KHDC1: variants seen among roughly 807,000 people sequenced by gnomAD.
KHDC1 encodes KH homology domain-containing protein 1.
Under a neutral mutation model 24.7 loss-of-function variants are expected in KHDC1, and 21 were observed. That is an observed-to-expected ratio of 0.85 (90% CI 0.60 to 1.23). The LOEUF (loss-of-function observed/expected upper bound fraction) is 1.23, where lower values mean the gene tolerates loss of function less well. Among genes scored for constraint, KHDC1 ranks in the 50% most tolerant of loss-of-function variants. The pLI, the probability that KHDC1 is intolerant of heterozygous loss-of-function variation, is 0.00. For synonymous variants in KHDC1, 98 were observed against 111.7 expected, an observed-to-expected ratio of 0.88 and a Z score of 0.77; for missense variants, 274 against 298.5, an observed-to-expected ratio of 0.92 and a Z score of 0.61.
chr6:73,241,918 T>C (rs1222733431), intron 4 of KHDC1, 137 bp downstream of exon 3: 1 of 1,120,450 alleles, frequency 8.9e-7, no homozygotes, highest in African/African-American at 1.6e-5. Context: ...GATGAGCACT[T>C]TTCTTCCCAA....
At chr6:73,292,368 A>G in intron 1 of KHDC1, 1 of 801,326 alleles carries the variant, frequency 1.2e-6, no homozygotes, top group Non-Finnish European at 2.3e-6. Flanking sequence ...ACATATGCAA[A>G]ATTCCAGTAT....
intron 2 of KHDC1, among the ~76,000 whole-genome samples, chr6:73,263,745 G>T (rs1562249956): frequency 6.6e-6 from 1 of 152,184 alleles, no homozygotes; most frequent in Admixed American, 6.5e-5. Flanking sequence ...GGAGGGAAAT[G>T]AATGTTTTTG....
intron 1 of KHDC1, among the ~76,000 whole-genome samples, chr6:73,303,507 A>T (rs1582591588): frequency 6.6e-6 from 1 of 152,360 alleles, no homozygotes; most frequent in South Asian, 2.1e-4. Flanking sequence ...AAGAACCACA[A>T]GTTTTCAGTA....
chr6:73,264,040 A>C (rs1364236168), intron 2 of KHDC1, among the ~76,000 whole-genome samples: 1 of 152,140 alleles, frequency 6.6e-6, no homozygotes, highest in African/African-American at 2.4e-5. Context: ...CTCTACAAAA[A>C]ATTTAAAAAT....
At chr6:73,251,891 G>A (rs1356973744) in intron 2 of KHDC1, among the ~76,000 whole-genome samples, 1 of 150,120 alleles carries the variant, frequency 6.7e-6, no homozygotes, top group African/African-American at 2.5e-5. Flanking sequence ...TCAGCCTCCC[G>A]GGCTCATTCG....
chr6:73,267,765 C>G (rs1582565055), intron 2 of KHDC1, among the ~76,000 whole-genome samples: 1 of 152,158 alleles, frequency 6.6e-6, no homozygotes, highest in Non-Finnish European at 1.5e-5. Context: ...AAATGTGGAA[C>G]CAACCCAAGA....
At chr6:73,297,047 C>T (rs66984567) in intron 1 of KHDC1, among the ~76,000 whole-genome samples, 35,634 of 151,872 alleles carry the variant, frequency 0.23, 4,890 homozygotes, top group African/African-American at 0.37. Flanking sequence ...ATTACAGGCA[C>T]GTGCCACCAT....
At chr6:73,244,649 C>T (rs1010762298) in intron 2 of KHDC1, among the ~76,000 whole-genome samples, 2 of 108,264 alleles carry the variant, frequency 1.8e-5, no homozygotes, top group East Asian at 6.0e-4. Flanking sequence ...TGCCTGTAAT[C>T]CCAGCACTTT....
At chr6:73,283,019 T>C (rs1415788944) in intron 2 of KHDC1, among the ~76,000 whole-genome samples, 1 of 152,240 alleles carries the variant, frequency 6.6e-6, no homozygotes, top group Non-Finnish European at 1.5e-5. Flanking sequence ...CACTGGGCAG[T>C]TACATACCGG....
At chr6:73,289,684 A>G (rs1767601876) in intron 2 of KHDC1, among the ~76,000 whole-genome samples, 3 of 151,710 alleles carry the variant, frequency 2.0e-5, no homozygotes. Flanking sequence ...AAAAACGGCC[A>G]GGCACTGTGA....
At position 73,242,148 on chromosome 6, in the gene KHDC1, G is replaced by C. The variant is rs773192554; in HGVS notation, c.421C>G (p.Arg141Gly). 7.4e-6 allele frequency: 12 copies of C among 1,614,024 alleles called. No individual in the cohort carries two copies. The South Asian group carries it at 1.2e-4, about 16-fold the overall frequency. ...CTGTGTGGTCCGACTACAGTCACAC[G>C]AGTCTGGCCTGTAGCTGTGAACCAA... is the stretch of plus-strand genomic sequence containing the variant. The change falls in exon 4 of 5, where the codon CGT becomes GGT. Residue 141 changes from arginine (R) to glycine (G), a missense_variant. By Grantham distance (125) the Arg-to-Gly change is moderately radical. Coordinates refer to ENST00000370384, the Ensembl canonical transcript of KHDC1.
chr6:73,248,743 A>G (rs1480826164), intron 2 of KHDC1, among the ~76,000 whole-genome samples: 1 of 152,054 alleles, frequency 6.6e-6, no homozygotes, highest in Non-Finnish European at 1.5e-5. Context: ...CAACAATCCA[A>G]TCCACTTTCA....
At chr6:73,267,412 G>A (rs1398180596) in intron 2 of KHDC1, among the ~76,000 whole-genome samples, 1 of 152,214 alleles carries the variant, frequency 6.6e-6, no homozygotes, top group Non-Finnish European at 1.5e-5. Flanking sequence ...GAACCTGGGA[G>A]ATAGAGGTTG....
At chr6:73,282,216 T>TAA (rs34726760) in intron 2 of KHDC1, among the ~76,000 whole-genome samples, 11 of 96,772 alleles carry the variant, frequency 1.1e-4, no homozygotes, top group Non-Finnish European at 1.4e-4. Flanking sequence ...AGACTCTGTC[T>TAA]AAAAAAAAAA....
chr6:73,292,509 A>G (rs1347398928), intron 1 of KHDC1: 11 of 769,744 alleles, frequency 1.4e-5, no homozygotes, highest in Non-Finnish European at 2.4e-5. Flanking sequence ...CAGAATTGGG[A>G]TGCAGACATG....
intron 2 of KHDC1, among the ~76,000 whole-genome samples, chr6:73,281,792 CCAAA>C (rs1201370847): frequency 2.0e-5 from 3 of 152,152 alleles, no homozygotes; most frequent in African/African-American, 7.2e-5. Flanking sequence ...CCCCAGGAGC[CCAAA>C]CAGTGTACCA....
At chr6:73,241,622 C>T (rs753354797) in exon 5 of KHDC1, 2 of 1,614,082 alleles carry the variant, frequency 1.2e-6, no homozygotes, top group Non-Finnish European at 1.7e-6. Context: ...TTCCACTTAT[C>T]CTGGGAGCCA....
At chr6:73,287,225 C>G (rs1487977374) in intron 2 of KHDC1, among the ~76,000 whole-genome samples, 5 of 152,134 alleles carry the variant, frequency 3.3e-5, no homozygotes, top group Admixed American at 2.6e-4. Context: ...CCGGGACTTA[C>G]AGTAGGAGAT....
intron 2 of KHDC1, chr6:73,290,297 A>AG (rs1353508864): frequency 6.0e-6 from 1 of 165,420 alleles, no homozygotes; most frequent in Admixed American, 6.1e-5. Context: ...GAAAAGAAAA[A>AG]GAAAAAAAGC....
Sources: gnomAD v4.1 joint callset for allele counts (sites outside exome capture counted in the v4.1 genomes callset) on GRCh38, gnomAD v4.1.1 for gene constraint, MANE v1.5 for transcripts, NCBI Gene and HGNC (gene_info 2026-07-23, HGNC 2026-07-21) for gene names.